Variants in WWOX observed in about 807,000 individuals in gnomAD.
WWOX encodes WW domain-containing oxidoreductase.
Under a neutral mutation model 46.2 loss-of-function variants are expected in WWOX, and 69 were observed. The ratio of observed to expected loss-of-function variants is 1.49; its 90% CI spans 1.23 to 1.82. WWOX has a LOEUF of 1.82. Ranked by LOEUF, WWOX falls within the 40% of genes most tolerant of loss-of-function variation. WWOX has a pLI of 0.00. For synonymous variants in WWOX, 359 were observed against 202.6 expected, an observed-to-expected ratio of 1.77 and a Z score of -6.56; for missense variants, 919 against 542.6, an observed-to-expected ratio of 1.69 and a Z score of -6.89.
intron 8 of WWOX, among the ~76,000 whole-genome samples, chr16:78,546,854 C>T (rs759000563): frequency 6.6e-5 from 10 of 152,142 alleles, no homozygotes; most frequent in Non-Finnish European, 1.2e-4. Flanking sequence ...GGGCCAGGCC[C>T]GGTGGCTCAT....
At chr16:78,923,345 C>T (rs954116055) in intron 8 of WWOX, among the ~76,000 whole-genome samples, 1 of 152,126 alleles carries the variant, frequency 6.6e-6, no homozygotes, top group Non-Finnish European at 1.5e-5. Flanking sequence ...AGAATATCAT[C>T]ATTATCAACA....
chr16:79,207,628 A>ATAGT (rs1282843463), intron 8 of WWOX, among the ~76,000 whole-genome samples: 1 of 152,208 alleles, frequency 6.6e-6, no homozygotes, highest in Non-Finnish European at 1.5e-5. Context: ...TATATATCTC[A>ATAGT]TAGTTAAGTC....
intron 8 of WWOX, among the ~76,000 whole-genome samples, chr16:78,484,248 C>T (rs1188452498): frequency 7.9e-5 from 12 of 152,110 alleles, no homozygotes; most frequent in Admixed American, 7.9e-4. Context: ...TCTCTTTAGG[C>T]CTTGGCATAT....
At chr16:78,883,189 T>A (rs546206135) in intron 8 of WWOX, among the ~76,000 whole-genome samples, 2 of 152,202 alleles carry the variant, frequency 1.3e-5, no homozygotes, top group African/African-American at 4.8e-5. Flanking sequence ...AAAGTTGTGA[T>A]TGTGGTTGTT....
chr16:78,513,820 C>T (rs1425556084), intron 8 of WWOX, among the ~76,000 whole-genome samples: 4 of 152,070 alleles, frequency 2.6e-5, no homozygotes, highest in Admixed American at 2.6e-4. Flanking sequence ...ATACTTTACA[C>T]GTCTTGGAAT....
chr16:78,129,067 G>A (rs1409550552), intron 4 of WWOX, among the ~76,000 whole-genome samples: 1 of 152,148 alleles, frequency 6.6e-6, no homozygotes, highest in Non-Finnish European at 1.5e-5. Flanking sequence ...CAGATTTTTG[G>A]CAAGGGATAC....
intron 8 of WWOX, chr16:78,872,884 G>A (rs1459969680): frequency 1.3e-5 from 2 of 152,160 alleles, no homozygotes; most frequent in African/African-American, 4.8e-5. Flanking sequence ...TGCAGGCTTG[G>A]CCTCCAGGGC....
chr16:78,848,867 C>T (rs533113799), intron 8 of WWOX, among the ~76,000 whole-genome samples: 76 of 151,808 alleles, frequency 5.0e-4, no homozygotes, highest in Non-Finnish European at 9.1e-4. Context: ...CTTAATGACC[C>T]GAAAAATCTA....
At chr16:79,004,788 A>G (rs999804254) in intron 8 of WWOX, 1 of 152,200 alleles carries the variant, frequency 6.6e-6, no homozygotes, top group African/African-American at 2.4e-5. Context: ...TAGAGACTCC[A>G]TATACCTCAA....
At chr16:79,069,603 A>G (rs1489077508) in intron 8 of WWOX, among the ~76,000 whole-genome samples, 1 of 151,218 alleles carries the variant, frequency 6.6e-6, no homozygotes, top group African/African-American at 2.4e-5. Context: ...AGTGGAAAGT[A>G]TGCTGTTATC....
Position 78,513,816 on chromosome 16 carries a change from T to C in WWOX, c.1056+81064T>C, listed in dbSNP as rs151226022. The stretch of plus-strand genomic sequence containing the variant: ...CCACTTACCATCCACCTGCATACTT[T>C]ACACGTCTTGGAATCAACCTTACAG... On this transcript the variant is annotated intron_variant, in intron 8 of 8. Transcript: ENST00000566780. Among the ~76,000 whole-genome samples the C allele has an allele frequency of 4.2e-3, 647 of 152,270 alleles. 5 individuals are homozygous for C. The highest frequency in any genetic ancestry group is 0.015 in the African/African-American group (622 of 41,556).
intron 8 of WWOX, among the ~76,000 whole-genome samples, chr16:78,880,059 A>G (rs920286920): frequency 3.3e-5 from 5 of 152,220 alleles, no homozygotes; most frequent in Admixed American, 6.5e-5. Context: ...AAACAGAGAC[A>G]TGATACGAGT....
At chr16:78,221,146 ACT>A (rs1410466659) in intron 5 of WWOX, among the ~76,000 whole-genome samples, 1 of 151,948 alleles carries the variant, frequency 6.6e-6, no homozygotes, top group Non-Finnish European at 1.5e-5. Flanking sequence ...ACTTTGAAAC[ACT>A]CTTTACTGTT....
chr16:79,039,139 T>C (rs2047923738), intron 8 of WWOX, among the ~76,000 whole-genome samples: 1 of 152,204 alleles, frequency 6.6e-6, no homozygotes, highest in African/African-American at 2.4e-5. Flanking sequence ...ACTGTTTTAT[T>C]GTAGCTGGGG....
At chr16:78,934,783 G>A (rs2045701288) in intron 8 of WWOX, among the ~76,000 whole-genome samples, 4 of 152,044 alleles carry the variant, frequency 2.6e-5, no homozygotes, top group African/African-American at 7.2e-5. Context: ...TTAAATGCAG[G>A]CCTATAGAGA....
In WWOX at chr16:78,118,730, C is replaced by T. The variant is rs115040997; in HGVS notation, c.409+3576C>T. ...GACTGCTATGTTAGATACTCCAGTT[C>T]ATTGAAAGTGATATCACCCTAACAT... On this transcript the variant is annotated intron_variant, in intron 4 of 8. Coordinates refer to ENST00000566780, the MANE Select transcript of WWOX (RefSeq NM_016373.4). Among the ~76,000 whole-genome samples the T allele has an allele frequency of 4.3e-3, 659 of 152,266 alleles. 7 individuals are homozygous for T. Among genetic ancestry groups the T allele is most frequent in the African/African-American group, 0.015 (607 of 41,526 alleles).
intron 4 of WWOX, among the ~76,000 whole-genome samples, chr16:78,144,741 A>G (rs1391091662): frequency 6.6e-6 from 1 of 151,064 alleles, no homozygotes; most frequent in East Asian, 2.0e-4. Flanking sequence ...GGCCAGTCTC[A>G]AACTCCTGAC....
chr16:78,887,996 C>A (rs1167173196), intron 8 of WWOX, among the ~76,000 whole-genome samples: 1 of 152,326 alleles, frequency 6.6e-6, no homozygotes, highest in South Asian at 2.1e-4. Context: ...TGACATCCCA[C>A]ATTGGACTTG....
At chr16:78,905,788 C>T (rs545294919) in intron 8 of WWOX, among the ~76,000 whole-genome samples, 8 of 152,278 alleles carry the variant, frequency 5.3e-5, no homozygotes, top group South Asian at 4.1e-4. Context: ...TAGTTTAAAA[C>T]CAACTTCTTA....
Sources: gnomAD v4.1 joint callset for allele counts (sites outside exome capture counted in the v4.1 genomes callset) on GRCh38, gnomAD v4.1.1 for gene constraint, MANE v1.5 for transcripts, NCBI Gene and HGNC (gene_info 2026-07-23, HGNC 2026-07-21) for gene names.